AKAP9: variants seen among roughly 807,000 people sequenced by gnomAD.
AKAP9 encodes the protein A-kinase anchoring protein 9.
In AKAP9, 311 loss-of-function variants were observed where a neutral mutation model predicts 488.5. The observed-to-expected ratio is 0.64, with a 90% CI of 0.58 to 0.70. AKAP9 has a LOEUF of 0.70. Among genes scored for constraint, AKAP9 ranks in the 30% least tolerant of loss-of-function variants. The pLI is 0.00. For missense variants in AKAP9, 4,215 were observed against 4,374.5 expected, an observed-to-expected ratio of 0.96 and a Z score of 1.03; for synonymous variants, 1,462 against 1,483.5, an observed-to-expected ratio of 0.99 and a Z score of 0.33.
chr7:92,047,341 C>G (rs1370565614), intron 21 of AKAP9, among the ~76,000 whole-genome samples: 2 of 152,094 alleles, frequency 1.3e-5, no homozygotes, highest in East Asian at 3.9e-4. Flanking sequence ...TGCAGCCTCC[C>G]AAGTAGCTGG....
chr7:92,110,081 G>T (rs1468537153), intron 49 of AKAP9, 41 bp from the exon 50 acceptor site: 1 of 1,495,114 alleles, frequency 6.7e-7, no homozygotes, highest in Non-Finnish European at 9.3e-7. Flanking sequence ...AGGTAGCAAT[G>T]TAATTTGAAA....
At chr7:92,071,193 G>A (rs1209759236) in intron 28 of AKAP9, among the ~76,000 whole-genome samples, 184 bp downstream of exon 28, 1 of 152,166 alleles carries the variant, frequency 6.6e-6, no homozygotes, top group Non-Finnish European at 1.5e-5. Context: ...TGACGGGAAA[G>A]AAGAGTGCTC....
At position 92,003,076 on chromosome 7, in the gene AKAP9, A is replaced by C; in HGVS notation, c.3159A>C (p.Lys1053Asn). The change falls in exon 8 of 50, where the codon AAA becomes AAC. Residue 1053 changes from lysine to asparagine, a missense_variant. Coordinates refer to ENST00000356239, the MANE Select transcript of AKAP9 (RefSeq NM_005751.5). ...AATCAAAAATAATGGTGGAAGATAA[A>C]GTTTCTTTTGAAAATATGACTGTTG... ...GEESKIMVED[K>N]VSFENMTVGE... The C allele has an allele frequency of 6.2e-7, 1 of 1,612,910 alleles. No individual in the cohort carries two copies. The highest frequency in any genetic ancestry group is 1.1e-5 in the South Asian group (1 of 90,830).
chr7:92,097,909 T>C, intron 42 of AKAP9, 115 bp downstream of exon 42: 1 of 1,048,730 alleles, frequency 9.5e-7, no homozygotes. Flanking sequence ...GTAATGCGTG[T>C]TTACATTAGG....
Position 92,098,103 on chromosome 7 carries a change from T to C in AKAP9, c.10608-6T>C. Reference sequence around the variant, plus strand: ...TATGTTTTGACTTTTTGTCTTTTTCTTGAAGACTACAGTTTGAAACAGCAG... The same window carrying C: ...TATGTTTTGACTTTTTGTCTTTTTCCTGAAGACTACAGTTTGAAACAGCAG... On this transcript the variant is annotated splice_region_variant and splice_polypyrimidine_tract_variant and intron_variant, in intron 42 of 49. Coordinates refer to ENST00000356239, the MANE Select transcript of AKAP9 (RefSeq NM_005751.5). The C allele has an allele frequency of 1.3e-6, 2 of 1,591,584 alleles. No homozygotes were observed. The highest frequency in any genetic ancestry group is 1.7e-6 in the Non-Finnish European group (2 of 1,159,780).
In AKAP9 at chr7:92,042,203, C is replaced by A. The variant is rs751101680; in HGVS notation, c.5058+17C>A. ...CAAACACAGGTAGTATGGACTTTGC[C>A]CCACCTAGGAGCAATGGATCACCAA... On this transcript the variant is annotated intron_variant, in intron 19 of 49. Transcript: ENST00000356239. The A allele has an allele frequency of 9.3e-6, 15 of 1,613,354 alleles. No individual in the cohort carries two copies. The East Asian group carries it at 3.3e-4, about 36-fold the overall frequency.
chr7:91,970,133 GTTATT>G (rs769434897), intron 1 of AKAP9, among the ~76,000 whole-genome samples: 1 of 151,576 alleles, frequency 6.6e-6, no homozygotes, highest in Non-Finnish European at 1.5e-5. Flanking sequence ...GGTTCAAGCA[GTTATT>G]TTAATGATAT....
chr7:92,003,167 C>T lies in AKAP9; in HGVS notation c.3250C>T (p.Leu1084Phe). The change falls in exon 8 of 50, where the codon CTT (leucine) becomes TTT (phenylalanine). Residue 1084 changes from leucine (L) to phenylalanine (F), a missense_variant. Coordinates refer to ENST00000356239, the MANE Select transcript of AKAP9 (RefSeq NM_005751.5). ...ACCATCTGTAACAAAGGAATCATCA[C>T]TTAGAGCAACTCAACCAAGTGAAAA... ...HLPSVTKESS[L>F]RATQPSENDK... 1 of 1,611,380 alleles carries T rather than the reference C, an allele frequency of 6.2e-7. No homozygotes were observed. The highest frequency in any genetic ancestry group is 8.5e-7 in the Non-Finnish European group (1 of 1,178,712).
At chr7:92,037,564 AGG>A (rs1805399643) in intron 16 of AKAP9, among the ~76,000 whole-genome samples, 1 of 152,178 alleles carries the variant, frequency 6.6e-6, no homozygotes, top group South Asian at 2.1e-4. Context: ...TCAAAGGTGT[AGG>A]GACTTGTCAG....
chr7:92,061,620 A>AT lies in AKAP9; in HGVS notation c.5764+198_5764+199insT, dbSNP rs1491174710. 6.3e-3 allele frequency among the ~76,000 whole-genome samples: 871 copies of AT among 137,376 alleles called. 9 individuals are homozygous for AT. The highest frequency in any genetic ancestry group is 0.019 in the African/African-American group (682 of 35,054). 90.1% of individuals were successfully genotyped at this position (137,376 alleles called of 152,430 possible). A position where few individuals can be genotyped will look rare whatever the true frequency, so the allele number is the denominator to read the frequency against. Reference sequence around the variant, plus strand: ...TATATATATATATATATATATATATAAAATTATAAAAAGAATTTATAGAGT... The same window carrying AT: ...TATATATATATATATATATATATATATAAATTATAAAAAGAATTTATAGAGT... On this transcript the variant is annotated intron_variant, in intron 23 of 49. Coordinates refer to ENST00000356239, the MANE Select transcript of AKAP9 (RefSeq NM_005751.5).
At chr7:91,969,259 C>G (rs1314945486) in intron 1 of AKAP9, among the ~76,000 whole-genome samples, 1 of 152,066 alleles carries the variant, frequency 6.6e-6, no homozygotes, top group Non-Finnish European at 1.5e-5. Flanking sequence ...TAGTTTTATT[C>G]CATTATGGTC....
chr7:92,037,272 T>A (rs1038798298), intron 16 of AKAP9, among the ~76,000 whole-genome samples: 2 of 152,198 alleles, frequency 1.3e-5, no homozygotes, highest in Non-Finnish European at 2.9e-5. Flanking sequence ...CTTCAATGAT[T>A]TATTTGCTTT....
chr7:91,970,720 C>A (rs900866395), intron 1 of AKAP9, among the ~76,000 whole-genome samples: 2 of 152,116 alleles, frequency 1.3e-5, no homozygotes, highest in Non-Finnish European at 2.9e-5. Context: ...TGTTGCCAGA[C>A]GAATTGTAGC....
At chr7:92,084,283 CG>C (rs1814120088) in intron 33 of AKAP9, among the ~76,000 whole-genome samples, 1 of 152,000 alleles carries the variant, frequency 6.6e-6, no homozygotes, top group African/African-American at 2.4e-5. Flanking sequence ...AATAAAAAAA[CG>C]GGGGCAGTCT....
intron 17 of AKAP9, among the ~76,000 whole-genome samples, 156 bp downstream of exon 17, chr7:92,038,928 G>A (rs1805606085): frequency 6.6e-6 from 1 of 152,012 alleles, no homozygotes; most frequent in South Asian, 2.1e-4. Context: ...TGTTTTTGAG[G>A]CTGAGTCTCA....
chr7:92,016,003 G>C (rs1801462145), intron 10 of AKAP9, 126 bp from the exon 11 acceptor site: 8 of 708,106 alleles, frequency 1.1e-5, no homozygotes, highest in Non-Finnish European at 1.9e-5. Context: ...GGTATGGAGA[G>C]AATGTTTTCT....
At chr7:92,010,064 T>A (rs891749891) in intron 8 of AKAP9, among the ~76,000 whole-genome samples, 6 of 152,032 alleles carry the variant, frequency 3.9e-5, no homozygotes, top group Non-Finnish European at 7.4e-5. Context: ...TTTTAAAACA[T>A]TTTTTTACAG....
At chr7:91,964,388 A>G (rs1251813522) in intron 1 of AKAP9, among the ~76,000 whole-genome samples, 1 of 152,182 alleles carries the variant, frequency 6.6e-6, no homozygotes, top group Non-Finnish European at 1.5e-5. Flanking sequence ...TGGCGTCATC[A>G]TAGTTAACCT....
chr7:91,994,196 T>C (rs1798115608), intron 5 of AKAP9, among the ~76,000 whole-genome samples: 1 of 152,148 alleles, frequency 6.6e-6, no homozygotes, highest in Admixed American at 6.5e-5. Context: ...GACTAACATC[T>C]GTGGTTAGAC....
Sources: gnomAD v4.1 joint callset for allele counts (sites outside exome capture counted in the v4.1 genomes callset) on GRCh38, gnomAD v4.1.1 for gene constraint, MANE v1.5 for transcripts, NCBI Gene and HGNC (gene_info 2026-07-23, HGNC 2026-07-21) for gene names.